The following GPHN variants were observed in gnomAD, a reference collection of about 807,000 sequenced individuals.
GPHN encodes gephyrin.
A neutral mutation model predicts 95.5 loss-of-function variants in GPHN; 17 were observed. That is an observed-to-expected ratio of 0.18 (90% confidence interval 0.12 to 0.27). The LOEUF (loss-of-function observed/expected upper bound fraction) is 0.27, where lower values mean the gene tolerates loss of function less well. GPHN is among the 10% of genes least tolerant of loss of function. GPHN has a pLI of 1.00. For synonymous variants in GPHN, 320 were observed against 322.5 expected, an observed-to-expected ratio of 0.99 and a Z score of 0.08; for missense variants, 660 against 978.1, an observed-to-expected ratio of 0.67 and a Z score of 4.34.
At chr14:67,657,791 C>T in the GPHN span, among the ~76,000 whole-genome samples, 9 of 150,878 alleles carry the variant, frequency 6.0e-5, no homozygotes, top group African/African-American at 2.2e-4. Context: ...CTCTGTCGCC[C>T]GGGCTGGAGT....
At chr14:66,983,686 A>T (rs946853611) in intron 9 of GPHN, among the ~76,000 whole-genome samples, 1 of 152,184 alleles carries the variant, frequency 6.6e-6, no homozygotes, top group Non-Finnish European at 1.5e-5. Flanking sequence ...CTTATAATCT[A>T]GTTTTTACAT....
the GPHN span, among the ~76,000 whole-genome samples, chr14:67,400,799 G>A: frequency 6.6e-6 from 1 of 152,036 alleles, no homozygotes; most frequent in Non-Finnish European, 1.5e-5. Flanking sequence ...ACTAGCCTGG[G>A]CAACATAGTG....
chr14:66,812,686 C>T (rs1322198007), intron 3 of GPHN, among the ~76,000 whole-genome samples: 2 of 152,124 alleles, frequency 1.3e-5, no homozygotes, highest in Admixed American at 1.3e-4. Flanking sequence ...CCACCTGAGC[C>T]AGTGAAATCA....
intron 3 of GPHN, among the ~76,000 whole-genome samples, chr14:66,796,918 C>A (rs1036806009): frequency 6.6e-6 from 1 of 151,688 alleles, no homozygotes; most frequent in African/African-American, 2.4e-5. Flanking sequence ...TGGAGAGTTT[C>A]CCCTATGTTT....
At chr14:66,814,738 C>A (rs1358106279) in intron 3 of GPHN, among the ~76,000 whole-genome samples, 1 of 152,138 alleles carries the variant, frequency 6.6e-6, no homozygotes, top group Non-Finnish European at 1.5e-5. Context: ...GCTGAAAACT[C>A]AAAAAGCTAG....
rs2153686873 is a variant in GPHN, at chr14:67,112,999, G to A, written c.1473-19G>A. On this transcript the variant is annotated intron_variant, in intron 15 of 22. Coordinates refer to ENST00000478722, the MANE Select transcript of GPHN (RefSeq NM_020806.5). Reference sequence around the variant, plus strand: ...TTGTTCTCTAATCACACTGCTTATGGTTCTGCTTTGACTTTCAGACCCATC... The same window carrying A: ...TTGTTCTCTAATCACACTGCTTATGATTCTGCTTTGACTTTCAGACCCATC... The A allele has an allele frequency of 6.2e-7, 1 of 1,612,714 alleles. No individual in the cohort carries two copies. Among genetic ancestry groups the A allele is most frequent in the South Asian group, 1.1e-5 (1 of 91,058 alleles).
chr14:66,558,067 C>A (rs1187024215), intron 1 of GPHN, among the ~76,000 whole-genome samples: 1 of 151,962 alleles, frequency 6.6e-6, no homozygotes, highest in Non-Finnish European at 1.5e-5. Flanking sequence ...TTACAAAAAC[C>A]TTCTCAATGA....
the GPHN span, among the ~76,000 whole-genome samples, chr14:67,219,229 G>A: frequency 6.6e-6 from 1 of 152,214 alleles, no homozygotes; most frequent in African/African-American, 2.4e-5. Context: ...TGTAAGGACT[G>A]TAGGTGTTTT....
At chr14:66,733,607 T>C (rs1438434927) in intron 2 of GPHN, among the ~76,000 whole-genome samples, 1 of 152,208 alleles carries the variant, frequency 6.6e-6, no homozygotes, top group African/African-American at 2.4e-5. Context: ...TCTTTCTAAA[T>C]ATTCCTTTAT....
the GPHN span, among the ~76,000 whole-genome samples, chr14:67,399,730 C>G: frequency 2.0e-5 from 3 of 149,950 alleles, no homozygotes; most frequent in African/African-American, 7.4e-5. Context: ...TTAGGTGGGT[C>G]TCAGGTGGCA....
chr14:67,557,005 T>C, the GPHN span, among the ~76,000 whole-genome samples: 10 of 152,228 alleles, frequency 6.6e-5, no homozygotes, highest in Non-Finnish European at 4.4e-5. Flanking sequence ...CTTTTTCCAC[T>C]TATCGTCTCC....
the GPHN span, chr14:67,199,654 G>A: frequency 6.3e-7 from 1 of 1,579,050 alleles, no homozygotes; most frequent in Non-Finnish European, 8.7e-7. Flanking sequence ...TGGCAGCTCA[G>A]AACCCGCTCT....
chr14:67,634,399 C>G, the GPHN span, among the ~76,000 whole-genome samples: 3 of 150,516 alleles, frequency 2.0e-5, no homozygotes, highest in Non-Finnish European at 2.9e-5. Context: ...TCAAGACCAG[C>G]CTGGGTAGCA....
intron 16 of GPHN, among the ~76,000 whole-genome samples, chr14:67,116,875 A>C (rs1342177013): frequency 1.3e-5 from 2 of 152,248 alleles, no homozygotes; most frequent in Non-Finnish European, 2.9e-5. Flanking sequence ...CCAGGCAATT[A>C]GCTTAACGAT....
At chr14:67,009,671 TA>T (rs1297171936) in intron 9 of GPHN, among the ~76,000 whole-genome samples, 1 of 152,144 alleles carries the variant, frequency 6.6e-6, no homozygotes, top group Non-Finnish European at 1.5e-5. Context: ...TTTGAACAGA[TA>T]GTAAAATGGT....
intron 11 of GPHN, among the ~76,000 whole-genome samples, chr14:67,060,508 A>G (rs547495806): frequency 6.6e-6 from 1 of 152,310 alleles, no homozygotes; most frequent in East Asian, 1.9e-4. Context: ...GTGTTTAGAA[A>G]CCATCATACA....
chr14:66,509,550 A>G (rs969935498), intron 1 of GPHN: 2 of 152,276 alleles, frequency 1.3e-5, no homozygotes, highest in Admixed American at 6.5e-5. Flanking sequence ...TCCAAGATGA[A>G]CAGCAAGCGG....
intron 2 of GPHN, among the ~76,000 whole-genome samples, chr14:66,695,765 C>T (rs1816082622): frequency 6.6e-6 from 1 of 152,182 alleles, no homozygotes; most frequent in Non-Finnish European, 1.5e-5. Flanking sequence ...GCAAAAGCTA[C>T]ACATTGTAAG....
the GPHN span, among the ~76,000 whole-genome samples, chr14:67,408,359 A>AAAAT: frequency 3.7e-4 from 49 of 134,052 alleles, no homozygotes; most frequent in African/African-American, 1.3e-3. Context: ...TAAAATAAAA[A>AAAAT]AAGAAAAAAC....
Sources: gnomAD v4.1 joint callset for allele counts (sites outside exome capture counted in the v4.1 genomes callset) on GRCh38, gnomAD v4.1.1 for gene constraint, MANE v1.5 for transcripts, NCBI Gene and HGNC (gene_info 2026-07-23, HGNC 2026-07-21) for gene names.